Variants in GRIP1 observed in about 807,000 individuals in gnomAD.
GRIP1 encodes glutamate receptor-interacting protein 1.
A neutral mutation model predicts 129.9 loss-of-function variants in GRIP1; 45 were observed. That is an observed-to-expected ratio of 0.35 (90% CI 0.27 to 0.44). GRIP1 has a LOEUF of 0.44. Ranked by LOEUF, GRIP1 falls within the 20% of genes least tolerant of loss-of-function variation. GRIP1 has a pLI of 1.00. For missense variants in GRIP1, 1,196 were observed against 1,396.8 expected, an observed-to-expected ratio of 0.86 and a Z score of 2.29; for synonymous variants, 530 against 520.8, an observed-to-expected ratio of 1.02 and a Z score of -0.24.
chr12:66,960,747 C>A (rs1348515758), intron 1 of GRIP1, among the ~76,000 whole-genome samples: 4 of 152,210 alleles, frequency 2.6e-5, no homozygotes, highest in South Asian at 4.2e-4. Context: ...GCCAGGGAAG[C>A]TGCTAAACAT....
At chr12:66,837,705 G>T (rs1216291762) in intron 1 of GRIP1, among the ~76,000 whole-genome samples, 2 of 152,204 alleles carry the variant, frequency 1.3e-5, no homozygotes, top group Non-Finnish European at 2.9e-5. Context: ...ATAGGCTGAA[G>T]AAAGTCTGTA....
chr12:66,917,976 G>GGAGA lies in GRIP1; in HGVS notation c.58+151070_58+151073dup, dbSNP rs374500998. ...CACACACACACACACACACACACAC[G>GGAGA]GAGAGAGAGAGAGAGAGAGACTTAT... On this transcript the variant is annotated intron_variant, in intron 1 of 1. Transcript: ENST00000643019. Among the ~76,000 whole-genome samples the GGAGA allele has an allele frequency of 3.4e-4, 47 of 138,228 alleles. No individual in the cohort carries two copies. The East Asian group carries it at 6.9e-3, about 20-fold the overall frequency. The allele number at this position is 138,228 out of a possible 152,430, so 90.7% of individuals were successfully genotyped here. A position where few individuals can be genotyped will look rare whatever the true frequency, so the allele number is the denominator to read the frequency against.
At chr12:66,705,846 T>C (rs1392924456) in intron 1 of GRIP1, among the ~76,000 whole-genome samples, 1 of 152,186 alleles carries the variant, frequency 6.6e-6, no homozygotes, top group African/African-American at 2.4e-5. Flanking sequence ...GAAAACTGGC[T>C]AGCCATATGC....
At chr12:66,434,658 A>T (rs1432041098) in intron 13 of GRIP1, among the ~76,000 whole-genome samples, 1 of 152,238 alleles carries the variant, frequency 6.6e-6, no homozygotes, top group Non-Finnish European at 1.5e-5. Flanking sequence ...AATATTTTCC[A>T]ATCTATGCCT....
At chr12:66,376,793 G>A (rs1439049013) in intron 22 of GRIP1, among the ~76,000 whole-genome samples, 1 of 152,210 alleles carries the variant, frequency 6.6e-6, no homozygotes, top group Non-Finnish European at 1.5e-5. Flanking sequence ...AATGGGATGC[G>A]CCGCTGCTGG....
intron 1 of GRIP1, among the ~76,000 whole-genome samples, chr12:66,943,788 AAG>A (rs1417574860): frequency 2.6e-5 from 4 of 152,212 alleles, no homozygotes; most frequent in Non-Finnish European, 5.9e-5. Context: ...CAATGTAACT[AAG>A]AATGTACTAA....
intron 23 of GRIP1, among the ~76,000 whole-genome samples, chr12:66,363,200 C>CTATATATATATATATATAT (rs1565666281): frequency 0.02 from 1,732 of 88,090 alleles, 174 homozygotes; most frequent in African/African-American, 0.03. Context: ...TGTGTGTGTC[C>CTATATATATATATATATAT]ATATATATAT....
At chr12:66,868,886 A>G (rs546614753) in intron 1 of GRIP1, among the ~76,000 whole-genome samples, 9 of 152,294 alleles carry the variant, frequency 5.9e-5, no homozygotes, top group African/African-American at 2.2e-4. Flanking sequence ...GACAAAATGT[A>G]CAACTTGTCG....
intron 1 of GRIP1, among the ~76,000 whole-genome samples, chr12:66,987,652 G>A (rs1504321): frequency 1.3e-5 from 2 of 152,148 alleles, no homozygotes; most frequent in South Asian, 2.1e-4. Context: ...TTTTCCAAAG[G>A]AGCATTACTT....
intron 20 of GRIP1, among the ~76,000 whole-genome samples, chr12:66,377,903 T>C (rs925489287): frequency 6.6e-6 from 1 of 151,932 alleles, no homozygotes. Flanking sequence ...ACGTCGGAAA[T>C]GTATTTCAGC....
At chr12:66,760,448 A>G (rs2037437608) in intron 1 of GRIP1, among the ~76,000 whole-genome samples, 1 of 152,208 alleles carries the variant, frequency 6.6e-6, no homozygotes, top group Non-Finnish European at 1.5e-5. Flanking sequence ...CCTCAGAATC[A>G]TGGTGGGAGG....
intron 2 of GRIP1, among the ~76,000 whole-genome samples, chr12:66,553,712 G>A (rs769303716): frequency 6.6e-6 from 1 of 151,478 alleles, no homozygotes; most frequent in Non-Finnish European, 1.5e-5. Flanking sequence ...TCCCCATCCC[G>A]CATGTCTCAT....
intron 1 of GRIP1, among the ~76,000 whole-genome samples, chr12:66,997,988 T>G (rs901790237): frequency 6.6e-6 from 1 of 152,138 alleles, no homozygotes; most frequent in Non-Finnish European, 1.5e-5. Flanking sequence ...TATCCATAAT[T>G]TGCAAAATTT....
At chr12:66,577,905 G>A (rs2063198159) in intron 2 of GRIP1, among the ~76,000 whole-genome samples, 1 of 152,182 alleles carries the variant, frequency 6.6e-6, no homozygotes, top group Non-Finnish European at 1.5e-5. Context: ...AGTGAGCCAT[G>A]ATCATGCCAC....
chr12:66,952,432 G>C (rs2041772977), intron 1 of GRIP1, among the ~76,000 whole-genome samples: 1 of 152,118 alleles, frequency 6.6e-6, no homozygotes, highest in Admixed American at 6.6e-5. Flanking sequence ...TAAATGTCAA[G>C]AGTTTTAAAA....
chr12:67,067,305 C>T lies in GRIP1; in HGVS notation c.58+1745G>A, dbSNP rs187060941. 3.8e-3 allele frequency among the ~76,000 whole-genome samples: 573 copies of T among 152,184 alleles called. 9 individuals carry two copies. The highest frequency in any genetic ancestry group is 4.4e-3 in the East Asian group (23 of 5,170). On this transcript the variant is annotated intron_variant, in intron 1 of 1. Transcript: ENST00000643019. ...CATTTCGTGACAATCCAAAAATCTA[C>T]CCACTTCAGCATTCTGATAAAACTT...
chr12:66,455,647 A>C, intron 10 of GRIP1, 83 bp from the exon 11 acceptor site: 1 of 1,257,306 alleles, frequency 8.0e-7, no homozygotes, highest in Non-Finnish European at 1.2e-6. Flanking sequence ...AACAATCCAG[A>C]AAGACACACA....
intron 1 of GRIP1, among the ~76,000 whole-genome samples, chr12:66,792,756 G>T (rs2038581357): frequency 1.3e-5 from 2 of 152,040 alleles, no homozygotes; most frequent in Non-Finnish European, 2.9e-5. Flanking sequence ...TAAATGAAAA[G>T]AAAACATACC....
intron 1 of GRIP1, among the ~76,000 whole-genome samples, chr12:66,778,903 G>A (rs553321238): frequency 1.5e-4 from 23 of 152,250 alleles, no homozygotes; most frequent in East Asian, 5.8e-4. Flanking sequence ...ATCAAGATAC[G>A]AAGGAGAAGT....
Sources: allele counts gnomAD v4.1 joint callset (sites outside exome capture counted in the v4.1 genomes callset), GRCh38; gene constraint gnomAD v4.1.1; transcripts MANE v1.5; gene names NCBI Gene and HGNC (gene_info 2026-07-23, HGNC 2026-07-21).